The following HTN3 variants were observed in gnomAD, a reference collection of about 807,000 sequenced individuals.
HTN3 encodes histatin 3.
A neutral mutation model predicts 10.6 loss-of-function variants in HTN3; 15 were observed. The observed-to-expected ratio is 1.42, with a 90% CI of 0.95 to 2.18. The LOEUF is 2.18. Ranked by LOEUF, HTN3 falls within the 30% of genes most tolerant of loss-of-function variation. The pLI is 0.00. For missense variants in HTN3, 68 were observed against 58.0 expected (o/e 1.17, Z -0.56); for synonymous variants, 15 against 16.9 (o/e 0.89, Z 0.27).
intron 5 of HTN3, among the ~76,000 whole-genome samples, chr4:70,033,700 C>A (rs1298881687): frequency 6.6e-6 from 1 of 152,100 alleles, no homozygotes; most frequent in African/African-American, 2.4e-5. Context: ...TTACTTTGGG[C>A]AGTAAGGCCA....
At chr4:70,033,368 C>T (rs528501328) in intron 5 of HTN3, 115 bp downstream of exon 5, 11 of 575,694 alleles carry the variant, frequency 1.9e-5, no homozygotes, top group South Asian at 4.6e-5. Flanking sequence ...AGAAATGTAG[C>T]GTGGGTTAGC....
intron 4 of HTN3, among the ~76,000 whole-genome samples, chr4:70,032,404 T>G (rs1160199197): frequency 2.0e-5 from 3 of 152,010 alleles, no homozygotes; most frequent in Non-Finnish European, 4.4e-5. Flanking sequence ...AGTTCCTAAT[T>G]CTATGAATAA....
At chr4:70,032,948 A>G (rs1477634398) in intron 4 of HTN3, among the ~76,000 whole-genome samples, 4 of 152,162 alleles carry the variant, frequency 2.6e-5, no homozygotes, top group African/African-American at 9.6e-5. Flanking sequence ...CCACAAAAAT[A>G]TCAACACACA....
chr4:70,032,201 T>C, intron 4 of HTN3, 94 bp downstream of exon 4: 4 of 839,678 alleles, frequency 4.8e-6, no homozygotes, highest in Non-Finnish European at 7.6e-6. Flanking sequence ...CTCAAATATA[T>C]TTATATCATT....
intron 2 of HTN3, 28 bp downstream of exon 2, chr4:70,030,819 T>C (rs373564243): frequency 1.6e-5 from 25 of 1,549,110 alleles, no homozygotes; most frequent in African/African-American, 5.4e-5. Context: ...TTTTAAAGGA[T>C]ACATTCTCAG....
chr4:70,028,751 C>G (rs187928908), intron 1 of HTN3, among the ~76,000 whole-genome samples: 2 of 152,194 alleles, frequency 1.3e-5, no homozygotes, highest in African/African-American at 4.8e-5. Flanking sequence ...TACATCCTCG[C>G]TGATGGTGGG....
chr4:70,035,860 G>A (rs114336829), intron 5 of HTN3, among the ~76,000 whole-genome samples: 1,835 of 152,180 alleles, frequency 0.012, 35 homozygotes, highest in African/African-American at 0.043. Flanking sequence ...TTGAATTCCT[G>A]CTCTTCGTGA....
At chr4:70,028,617 A>C (rs1453853476) in intron 1 of HTN3, 101 bp downstream of exon 1, 1 of 152,172 alleles carries the variant, frequency 6.6e-6, no homozygotes, top group Admixed American at 6.5e-5. Flanking sequence ...TATCTATGAT[A>C]ATTTCTTATA....
At chr4:70,032,874 T>C (rs1381491601) in intron 4 of HTN3, among the ~76,000 whole-genome samples, 1 of 152,112 alleles carries the variant, frequency 6.6e-6, no homozygotes, top group Non-Finnish European at 1.5e-5. Context: ...GGTAATGTTG[T>C]TAAGAAGATT....
chr4:70,031,826 G>T (rs1038339213), intron 2 of HTN3, among the ~76,000 whole-genome samples, 153 bp from the exon 3 acceptor site: 6 of 151,944 alleles, frequency 3.9e-5, no homozygotes, highest in Non-Finnish European at 5.9e-5. Context: ...TTTTAAAGAT[G>T]TCATAAAGCT....
chr4:70,035,594 A>G (rs1186428988), intron 5 of HTN3, among the ~76,000 whole-genome samples: 1 of 152,236 alleles, frequency 6.6e-6, no homozygotes, highest in African/African-American at 2.4e-5. Context: ...GGCTATAGGA[A>G]TGACTAATAA....
chr4:70,032,959 G>T (rs954926282), intron 4 of HTN3, among the ~76,000 whole-genome samples: 1 of 152,030 alleles, frequency 6.6e-6, no homozygotes, highest in African/African-American at 2.4e-5. Flanking sequence ...TCAACACACA[G>T]TAAATACTTT....
chr4:70,032,766 C>A (rs561760292), intron 4 of HTN3, among the ~76,000 whole-genome samples: 46 of 151,976 alleles, frequency 3.0e-4, no homozygotes, highest in African/African-American at 1.0e-3. Flanking sequence ...AGAAAGTAAG[C>A]TCATTAAAAG....
At chr4:70,032,608 T>C (rs1725411130) in intron 4 of HTN3, among the ~76,000 whole-genome samples, 1 of 152,102 alleles carries the variant, frequency 6.6e-6, no homozygotes, top group Admixed American at 6.5e-5. Context: ...TGACCTCTAA[T>C]ATCAGTATGA....
rs557881948 is a variant in HTN3 at position 70,035,798 on chromosome 4, T to C, written c.*34-469T>C. 3.9e-5 allele frequency among the ~76,000 whole-genome samples: 6 copies of C among 152,324 alleles called. No individual in the cohort carries two copies. In the South Asian group the frequency reaches 1.2e-3, roughly 32 times the overall value. ...ACTGTTCTACAATTCAAAATTGAAATAGTTCAAAAGATTTCAAATATTTTT... is the reference window on the plus strand; with the variant it reads ...ACTGTTCTACAATTCAAAATTGAAACAGTTCAAAAGATTTCAAATATTTTT... On this transcript the variant is annotated intron_variant, in intron 5 of 5. Transcript: ENST00000673563.
At chr4:70,035,509 G>T (rs1044353664) in intron 5 of HTN3, among the ~76,000 whole-genome samples, 1 of 152,108 alleles carries the variant, frequency 6.6e-6, no homozygotes, top group Admixed American at 6.6e-5. Context: ...GTAATCTTTG[G>T]AGAAGCTGCA....
rs759614810 is a variant in HTN3, at chr4:70,030,765, A to G, written c.25A>G (p.Ile9Val). The G allele has an allele frequency of 4.3e-6, 7 of 1,612,662 alleles. No individual in the cohort carries two copies. Among genetic ancestry groups the G allele is most frequent in the Non-Finnish European group, 5.9e-6 (7 of 1,178,994 alleles). The change falls in exon 2 of 6, where the codon ATC (isoleucine) becomes GTC (valine). Residue 9 changes from isoleucine (I) to valine (V), a missense_variant. Ile to Val is a conservative substitution (Grantham distance 29, BLOSUM62 3). Transcript: ENST00000673563. MKFFVFAL[I>V]LALMLSMTGA... ...TATGAAGTTTTTTGTTTTTGCTTTA[A>G]TCTTGGCTCTCATGCTTTCCATGAC...
chr4:70,029,841 A>T (rs936789797), intron 1 of HTN3, among the ~76,000 whole-genome samples: 29 of 152,156 alleles, frequency 1.9e-4, no homozygotes, highest in South Asian at 1.9e-3. Flanking sequence ...AGTAGATACA[A>T]TCATTTTCCC....
rs1325517396 is a variant in HTN3, at chr4:70,028,546, T to C, written c.-14+30T>C. The stretch of plus-strand genomic sequence containing the variant: ...CATGTTCAAGTACAATCTAATATTA[T>C]ATATTAGCATAAGCTTTTGTTTGCT... On this transcript the variant is annotated intron_variant, in intron 1 of 5. Transcript: ENST00000673563. 3 of 152,306 alleles carry C rather than the reference T, an allele frequency of 2.0e-5. No individual in the cohort carries two copies. In the South Asian group the frequency reaches 6.2e-4, roughly 32 times the overall value. 9.4% of individuals were successfully genotyped at this position (152,306 alleles called of 1,614,324 possible).
Sources: allele counts gnomAD v4.1 joint callset (sites outside exome capture counted in the v4.1 genomes callset), GRCh38; gene constraint gnomAD v4.1.1; transcripts MANE v1.5; gene names NCBI Gene and HGNC (gene_info 2026-07-23, HGNC 2026-07-21).